The following GALK2 variants were observed in gnomAD, a reference collection of about 807,000 sequenced individuals.
GALK2 encodes galactokinase 2.
A neutral mutation model predicts 52.4 loss-of-function variants in GALK2; 36 were observed. That is an observed-to-expected ratio of 0.69 (90% CI 0.53 to 0.91). The LOEUF (loss-of-function observed/expected upper bound fraction) is 0.91, where lower values mean the gene tolerates loss of function less well. Among genes scored for constraint, GALK2 ranks in the 40% least tolerant of loss-of-function variants. The probability of loss-of-function intolerance (pLI) is 0.00; values close to 1 mark genes in which losing one functional copy is unlikely to be tolerated. For synonymous variants in GALK2, 176 were observed against 199.1 expected, an observed-to-expected ratio of 0.88 and a Z score of 0.98; for missense variants, 579 against 559.1, an observed-to-expected ratio of 1.04 and a Z score of -0.36.
chr15:49,156,105 A>G, intron 1 of GALK2: 1 of 1,248,986 alleles, frequency 8.0e-7, no homozygotes. Context: ...TTTCAGCAAC[A>G]CAGTTTACAC....
chr15:49,314,189 G>A (rs1490491315), intron 8 of GALK2, among the ~76,000 whole-genome samples: 1 of 152,104 alleles, frequency 6.6e-6, no homozygotes, highest in Non-Finnish European at 1.5e-5. Context: ...AACGTTAATA[G>A]GCAACTCTTT....
intron 2 of GALK2, among the ~76,000 whole-genome samples, chr15:49,212,354 C>T (rs994511356): frequency 2.6e-5 from 4 of 152,150 alleles, no homozygotes; most frequent in African/African-American, 7.2e-5. Context: ...GCCTCCCCTC[C>T]CAAAGTGCTG....
chr15:49,260,545 T>G (rs1224520512), intron 5 of GALK2, among the ~76,000 whole-genome samples: 1 of 147,482 alleles, frequency 6.8e-6, no homozygotes, highest in Non-Finnish European at 1.5e-5. Context: ...TAGTTTCTTT[T>G]GCTGTGCAGA....
At chr15:49,170,683 T>C (rs2085013625) in intron 1 of GALK2, 1 of 313,206 alleles carries the variant, frequency 3.2e-6, no homozygotes, top group Non-Finnish European at 5.9e-6. Context: ...ATATCCACAC[T>C]GAACTCCTCT....
At chr15:49,344,647 G>C (rs1396504202) in intron 3 of GALK2, among the ~76,000 whole-genome samples, 2 of 152,176 alleles carry the variant, frequency 1.3e-5, no homozygotes, top group Non-Finnish European at 2.9e-5. Flanking sequence ...ACACATAATT[G>C]AAAATAGAGG....
intron 3 of GALK2, among the ~76,000 whole-genome samples, chr15:49,363,262 A>C (rs907986607): frequency 6.6e-6 from 1 of 152,192 alleles, no homozygotes; most frequent in African/African-American, 2.4e-5. Context: ...CAATCATTGA[A>C]TGTTCTTCCA....
chr15:49,311,267 G>C (rs1358409891), intron 8 of GALK2, among the ~76,000 whole-genome samples: 1 of 152,156 alleles, frequency 6.6e-6, no homozygotes, highest in African/African-American at 2.4e-5. Flanking sequence ...ATGGGGGAGA[G>C]AGTCCATTGT....
Position 49,330,476 on chromosome 15 carries a change from A to G in GALK2, c.*2317A>G, listed in dbSNP as rs2038461670. On this transcript the variant is annotated 3_prime_UTR_variant, in exon 10 of 10. Coordinates refer to ENST00000560031, the MANE Select transcript of GALK2 (RefSeq NM_002044.4). Reference sequence around the variant, plus strand: ...AGAATCTGGATTACTGAGTGGTGGAATATCTGATACTACTTGTCCAACATT... The same window carrying G: ...AGAATCTGGATTACTGAGTGGTGGAGTATCTGATACTACTTGTCCAACATT... 1 of 152,158 alleles carries G rather than the reference A, an allele frequency of 6.6e-6. No individual in the cohort carries two copies. The highest frequency in any genetic ancestry group is 6.5e-5 in the Admixed American group (1 of 15,274). The allele number at this position is 152,158 out of a possible 1,614,324, so 9.4% of individuals were successfully genotyped here.
At chr15:49,168,696 C>A (rs192363626), upstream of GALK2, among the ~76,000 whole-genome samples, 2 of 147,200 alleles carry the variant, frequency 1.4e-5, no homozygotes, top group African/African-American at 2.5e-5. Context: ...CCAGCCTGGG[C>A]AACAAAGAGC....
chr15:49,181,899 T>C (rs1048795012), intron 1 of GALK2, among the ~76,000 whole-genome samples: 6 of 152,074 alleles, frequency 3.9e-5, no homozygotes, highest in Non-Finnish European at 5.9e-5. Context: ...ATGGGGTACA[T>C]GAGATATTTT....
chr15:49,305,781 G>T (rs1439089085), intron 8 of GALK2, among the ~76,000 whole-genome samples: 1 of 152,028 alleles, frequency 6.6e-6, no homozygotes, highest in Non-Finnish European at 1.5e-5. Context: ...TGATAAAGGG[G>T]GGAAGGTTGC....
intron 3 of GALK2, among the ~76,000 whole-genome samples, chr15:49,350,587 G>A (rs533892533): frequency 1.3e-5 from 2 of 152,108 alleles, no homozygotes; most frequent in African/African-American, 2.4e-5. Flanking sequence ...CCACAAAACT[G>A]AGCTTAAAAG....
At position 49,328,927 on chromosome 15, in the gene GALK2, C is replaced by T. The variant is rs1321981528; in HGVS notation, c.*768C>T. ...AATAGAAAAACTTAGATAAAAAACA[C>T]TTTAAGACTCTTCTATTCACATTGA... On this transcript the variant is annotated 3_prime_UTR_variant, in exon 10 of 10. Coordinates refer to ENST00000560031, the MANE Select transcript of GALK2 (RefSeq NM_002044.4). The T allele has an allele frequency of 8.4e-7, 1 of 1,192,052 alleles. No individual in the cohort carries two copies. The highest frequency in any genetic ancestry group is 1.5e-5 in the African/African-American group (1 of 64,858). The allele number at this position is 1,192,052 out of a possible 1,614,324, so 73.8% of individuals were successfully genotyped here. A position where few individuals can be genotyped will look rare whatever the true frequency, so the allele number is the denominator to read the frequency against.
chr15:49,226,977 T>C (rs1180242578), intron 3 of GALK2, among the ~76,000 whole-genome samples: 1 of 152,244 alleles, frequency 6.6e-6, no homozygotes, highest in African/African-American at 2.4e-5. Context: ...TATTCTGTTG[T>C]ATCTAAGAAG....
intron 8 of GALK2, among the ~76,000 whole-genome samples, chr15:49,297,717 TC>T (rs2034607369): frequency 6.6e-6 from 1 of 152,228 alleles, no homozygotes; most frequent in African/African-American, 2.4e-5. Context: ...TTTGTTGACT[TC>T]GTCAAAGATC....
intron 2 of GALK2, among the ~76,000 whole-genome samples, chr15:49,213,753 T>C (rs1170630028): frequency 1.3e-5 from 2 of 152,198 alleles, no homozygotes; most frequent in African/African-American, 4.8e-5. Context: ...TTGTTGGTCC[T>C]CTCTTCCTTC....
chr15:49,239,305 A>G lies in GALK2; in HGVS notation c.442A>G (p.Ser148Gly). ...IPPSSGLSSS[S>G]ALVCCAGLVT... is the part of the protein sequence containing the mutation. The stretch of plus-strand genomic sequence containing the variant: ...ACCAAGTTCTGGCCTCTCCAGCTCC[A>G]GTGCTTTGGTCTGTTGTGCTGGCTT... The change falls in exon 5 of 10, where the codon AGT (serine) becomes GGT (glycine). Residue 148 changes from serine (S) to glycine (G), a missense_variant. Transcript: ENST00000560031. The G allele has an allele frequency of 6.2e-7, 1 of 1,614,162 alleles. No individual in the cohort carries two copies. The highest frequency in any genetic ancestry group is 8.5e-7 in the Non-Finnish European group (1 of 1,179,998).
intron 5 of GALK2, among the ~76,000 whole-genome samples, chr15:49,264,777 G>C (rs1015937515): frequency 6.6e-6 from 1 of 152,200 alleles, no homozygotes; most frequent in African/African-American, 2.4e-5. Flanking sequence ...CTGTTTGTTA[G>C]TTTTCCTTCT....
chr15:49,213,597 T>C (rs2089119744), intron 2 of GALK2, among the ~76,000 whole-genome samples: 1 of 152,222 alleles, frequency 6.6e-6, no homozygotes, highest in East Asian at 1.9e-4. Flanking sequence ...CATGTCTTTA[T>C]TGATGAGGTT....
Sources: allele counts gnomAD v4.1 joint callset (sites outside exome capture counted in the v4.1 genomes callset), GRCh38; gene constraint gnomAD v4.1.1; transcripts MANE v1.5; gene names NCBI Gene and HGNC (gene_info 2026-07-23, HGNC 2026-07-21).